ABCA13: variants seen among roughly 807,000 people sequenced by gnomAD.
ABCA13 encodes the protein ATP binding cassette subfamily A member 13.
ABCA13 carries 476 observed loss-of-function variants against 478.7 expected under a neutral mutation model. The observed-to-expected ratio is 0.99, with a 90% CI of 0.92 to 1.07. The LOEUF (loss-of-function observed/expected upper bound fraction) is 1.07, where lower values mean the gene tolerates loss of function less well. ABCA13 is among the 50% of genes least tolerant of loss of function. The pLI is 0.00. For synonymous variants in ABCA13, 2,252 were observed against 2,158.9 expected, an observed-to-expected ratio of 1.04 and a Z score of -1.20; for missense variants, 6,060 against 5,910.6, an observed-to-expected ratio of 1.03 and a Z score of -0.83.
intron 42 of ABCA13, among the ~76,000 whole-genome samples, chr7:48,445,146 T>C (rs1010003142): frequency 7.2e-5 from 11 of 151,968 alleles, no homozygotes; most frequent in Admixed American, 5.2e-4. Context: ...GTAGCTGGAA[T>C]TACAGGTGCC....
At chr7:48,203,607 C>G (rs1371158524) in intron 3 of ABCA13, among the ~76,000 whole-genome samples, 1 of 146,906 alleles carries the variant, frequency 6.8e-6, no homozygotes, top group African/African-American at 2.5e-5. Context: ...GGGGGGTTTC[C>G]CCTTCATTTT....
In ABCA13 at chr7:48,594,716, C is replaced by G; in HGVS notation, c.14647C>G (p.Pro4883Ala). The G allele has an allele frequency of 2.5e-6, 4 of 1,613,802 alleles. No homozygotes were observed. Among genetic ancestry groups the G allele is most frequent in the Non-Finnish European group, 3.4e-6 (4 of 1,179,752 alleles). ...TGTGTTGCCTTTCCTTCAGGATGAG[C>G]CCAGCTCTGGGATGGATCCCTGCTC... ...GKPDILLLDE[P>A]SSGMDPCSKR... Residue 4883 changes from proline (P) to alanine (A), a missense_variant, in exon 58 of 62, where the codon CCC (proline) becomes GCC (alanine). Transcript: ENST00000435803.
At chr7:48,607,424 T>C (rs1791584743) in intron 58 of ABCA13, among the ~76,000 whole-genome samples, 1 of 104 alleles carries the variant, frequency 9.6e-3, no homozygotes, top group African/African-American at 0.036. Flanking sequence ...CAGTTGGAAA[T>C]GCAGAATCAC....
intron 51 of ABCA13, 74 bp from the exon 52 acceptor site, chr7:48,516,651 A>AATG (rs1832137321): frequency 6.8e-7 from 1 of 1,468,090 alleles, no homozygotes; most frequent in African/African-American, 1.4e-5. Flanking sequence ...AAGGTCTTAG[A>AATG]ATGTATCTGC....
At chr7:48,509,245 C>T (rs1399045200) in intron 50 of ABCA13, among the ~76,000 whole-genome samples, 1 of 152,098 alleles carries the variant, frequency 6.6e-6, no homozygotes, top group East Asian at 1.9e-4. Context: ...GTGACTTGTC[C>T]AAGATTTTAC....
intron 41 of ABCA13, among the ~76,000 whole-genome samples, chr7:48,413,239 C>T (rs1819518699): frequency 1.3e-5 from 2 of 152,302 alleles, no homozygotes; most frequent in Admixed American, 6.5e-5. Context: ...CCTCTTTCTG[C>T]TTCTGTCTGG....
intron 1 of ABCA13, among the ~76,000 whole-genome samples, chr7:48,183,508 T>C (rs1434607718): frequency 2.0e-5 from 3 of 152,244 alleles, no homozygotes; most frequent in Admixed American, 6.5e-5. Context: ...AATGAGCAAG[T>C]GCTTGCAAAT....
chr7:48,581,670 A>G (rs561084102), intron 56 of ABCA13, among the ~76,000 whole-genome samples: 2 of 152,318 alleles, frequency 1.3e-5, no homozygotes, highest in Admixed American at 1.3e-4. Flanking sequence ...TTGTGTCTTG[A>G]TATTCATCTG....
chr7:48,561,878 C>T (rs1786490565), intron 55 of ABCA13, among the ~76,000 whole-genome samples: 1 of 151,846 alleles, frequency 6.6e-6, no homozygotes, highest in African/African-American at 2.4e-5. Flanking sequence ...ATGTTTCAAT[C>T]TGTAATCTAT....
intron 35 of ABCA13, 143 bp downstream of exon 35, chr7:48,376,715 T>C: frequency 9.7e-7 from 1 of 1,028,886 alleles, no homozygotes; most frequent in Non-Finnish European, 1.4e-6. Context: ...AAAGGAGCTG[T>C]ACATTTTTGA....
chr7:48,623,356 A>G (rs1169401374), intron 59 of ABCA13, among the ~76,000 whole-genome samples: 1 of 152,190 alleles, frequency 6.6e-6, no homozygotes, highest in Admixed American at 6.5e-5. Context: ...TATGTCTGAG[A>G]AAGAAATCTG....
intron 1 of ABCA13, among the ~76,000 whole-genome samples, chr7:48,180,384 T>TA (rs1795503569): frequency 6.6e-6 from 1 of 152,164 alleles, no homozygotes; most frequent in African/African-American, 2.4e-5. Context: ...TATCCTAACA[T>TA]ACTACTCTTG....
chr7:48,351,489 A>C (rs1018742015), intron 30 of ABCA13, among the ~76,000 whole-genome samples: 6 of 152,188 alleles, frequency 3.9e-5, no homozygotes, highest in Non-Finnish European at 7.3e-5. Context: ...AATCTTCTCT[A>C]GGCCCCTCTC....
chr7:48,290,266 G>A (rs1798322027), intron 20 of ABCA13, among the ~76,000 whole-genome samples: 1 of 152,206 alleles, frequency 6.6e-6, no homozygotes, highest in African/African-American at 2.4e-5. Flanking sequence ...GAATGCAGCT[G>A]GAACTTCAGG....
intron 41 of ABCA13, among the ~76,000 whole-genome samples, chr7:48,419,315 A>G (rs1820428388): frequency 6.6e-6 from 1 of 152,300 alleles, no homozygotes; most frequent in South Asian, 2.1e-4. Flanking sequence ...TTTACAAAAT[A>G]TTTGTATTTG....
intron 35 of ABCA13, among the ~76,000 whole-genome samples, chr7:48,378,170 A>G (rs1454051710): frequency 1.3e-5 from 2 of 152,176 alleles, no homozygotes; most frequent in African/African-American, 2.4e-5. Context: ...TGTCTAGGTC[A>G]TATTTGAAGG....
intron 55 of ABCA13, among the ~76,000 whole-genome samples, chr7:48,542,805 G>C (rs78106470): frequency 2.6e-5 from 4 of 151,632 alleles, no homozygotes; most frequent in Non-Finnish European, 3.0e-5. Flanking sequence ...AATAGAGTAG[G>C]CTTTACACAG....
At chr7:48,521,291 T>A (rs983965374) in intron 53 of ABCA13, among the ~76,000 whole-genome samples, 2 of 152,134 alleles carry the variant, frequency 1.3e-5, no homozygotes, top group Admixed American at 1.3e-4. Context: ...GAGGGAGGGA[T>A]CCTTTTTGGA....
At chr7:48,343,019 A>G (rs1807483531) in intron 29 of ABCA13, among the ~76,000 whole-genome samples, 1 of 152,062 alleles carries the variant, frequency 6.6e-6, no homozygotes, top group Admixed American at 6.5e-5. Context: ...TTTTGGACAC[A>G]ATACTCACAT....
Sources: allele counts gnomAD v4.1 joint callset (sites outside exome capture counted in the v4.1 genomes callset), GRCh38; gene constraint gnomAD v4.1.1; transcripts MANE v1.5; gene names NCBI Gene and HGNC (gene_info 2026-07-23, HGNC 2026-07-21).